ZNF84: variants seen among roughly 807,000 people sequenced by gnomAD.
ZNF84 encodes zinc finger protein 84, also known as zinc finger protein HPF2.
A neutral mutation model predicts 14.8 loss-of-function variants in ZNF84; 12 were observed. That is an observed-to-expected ratio of 0.81 (90% CI 0.52 to 1.31). ZNF84 has a LOEUF of 1.31. ZNF84 is among the 50% of genes most tolerant of loss of function. ZNF84 has a pLI of 0.00. For synonymous variants in ZNF84, 347 were observed against 291.1 expected, an observed-to-expected ratio of 1.19 and a Z score of -1.96; for missense variants, 859 against 878.6, an observed-to-expected ratio of 0.98 and a Z score of 0.28.
In ZNF84 at chr12:133,041,613, CA is replaced by C. The variant is rs757695528; in HGVS notation, c.15+135del. The stretch of plus-strand genomic sequence containing the variant: ...TAGCCTCAGATGATCAGGATTGGAA[CA>C]AAATTGGCACAGTGATATATTAACT... On this transcript the variant is annotated intron_variant, in intron 2 of 4. Transcript: ENST00000539354. 1.0e-3 allele frequency: 917 copies of C among 900,982 alleles called. 17 individuals carry two copies. The East Asian group carries it at 0.022, about 21-fold the overall frequency. 55.8% of individuals were successfully genotyped at this position (900,982 alleles called of 1,614,324 possible). A position where few individuals can be genotyped will look rare whatever the true frequency, so the allele number is the denominator to read the frequency against.
intron 1 of ZNF84, among the ~76,000 whole-genome samples, chr12:133,039,283 A>T (rs774737366): frequency 2.0e-5 from 3 of 152,204 alleles, no homozygotes; most frequent in Admixed American, 6.5e-5. Context: ...TGTTAGTGTG[A>T]TACAGTTGAG....
Position 133,058,342 on chromosome 12 carries a change from T to A in ZNF84, c.1627T>A (p.Tyr543Asn). 1 of 1,613,978 alleles carries A rather than the reference T, an allele frequency of 6.2e-7. No individual in the cohort carries two copies. The highest frequency in any genetic ancestry group is 8.5e-7 in the Non-Finnish European group (1 of 1,179,942). The change falls in exon 5 of 5, where the codon TAT becomes AAT. Residue 543 changes from tyrosine (Y) to asparagine (N), a missense_variant. Coordinates refer to ENST00000539354, the MANE Select transcript of ZNF84 (RefSeq NM_001289971.2). ...HQRTHTGEKPYECSECGKAFG... is the reference protein window; with the variant it reads ...HQRTHTGEKPNECSECGKAFG... The stretch of plus-strand genomic sequence containing the variant: ...GAGGACACATACAGGGGAGAAACCC[T>A]ATGAATGCAGTGAATGTGGGAAGGC...
chr12:133,041,395 T>G lies in ZNF84; in HGVS notation c.-73T>G. On this transcript the variant is annotated 5_prime_UTR_variant, in exon 2 of 5. Coordinates refer to ENST00000539354, the MANE Select transcript of ZNF84 (RefSeq NM_001289971.2). ...TAGCTGAGACCTCACTCCACAGTTT[T>G]GGGGCAGAAGCAGAAGAGACGCACA... 1 of 1,522,584 alleles carries G rather than the reference T, an allele frequency of 6.6e-7. No homozygotes were observed. The highest frequency in any genetic ancestry group is 1.7e-5 in the Admixed American group (1 of 59,622). 94.3% of individuals were successfully genotyped at this position (1,522,584 alleles called of 1,614,324 possible).
intron 2 of ZNF84, among the ~76,000 whole-genome samples, chr12:133,042,592 A>C (rs921820069): frequency 2.1e-4 from 32 of 152,286 alleles, no homozygotes; most frequent in Admixed American, 3.3e-4. Context: ...CATCCACCGG[A>C]GTCTTGGAAC....
At chr12:133,037,812 C>T (rs1343066432) in intron 1 of ZNF84, 6 of 46,574 alleles carry the variant, frequency 1.3e-4, no homozygotes, top group African/African-American at 2.5e-4. Flanking sequence ...AGGCGCCAGC[C>T]TCGGGCGCGT....
Position 133,048,830 on chromosome 12 carries a change from C to G in ZNF84, c.220C>G (p.Pro74Ala). Residue 74 changes from proline to alanine, a missense_variant, in exon 4 of 5, where the codon CCA (proline) becomes GCA (alanine). Physicochemically the swap from Pro to Ala is conservative, Grantham distance 27 (BLOSUM62 -1). Coordinates refer to ENST00000539354, the MANE Select transcript of ZNF84 (RefSeq NM_001289971.2). ...GCCGTGGGTAGGAGATGGAGAAATT[C>G]CAAGTTCAGATTCTCCAGGTGAGTG... is the stretch of plus-strand genomic sequence containing the variant. ...EEPWVGDGEI[P>A]SSDSPEVWKV... is the part of the protein sequence containing the mutation. 1 of 1,613,244 alleles carries G rather than the reference C, an allele frequency of 6.2e-7. No homozygotes were observed. The highest frequency in any genetic ancestry group is 8.5e-7 in the Non-Finnish European group (1 of 1,179,570).
chr12:133,046,747 G>A (rs971190836), intron 2 of ZNF84, among the ~76,000 whole-genome samples: 16 of 150,114 alleles, frequency 1.1e-4, no homozygotes, highest in African/African-American at 1.7e-4. Context: ...CTGACGCCTC[G>A]ACCTCCCAGG....
chr12:133,043,680 G>C (rs1388946158), intron 2 of ZNF84, among the ~76,000 whole-genome samples: 1 of 152,148 alleles, frequency 6.6e-6, no homozygotes, highest in East Asian at 1.9e-4. Flanking sequence ...TTATTTGAAA[G>C]AATTTTCTTG....
At chr12:133,048,909 G>C in intron 4 of ZNF84, 61 bp downstream of exon 4, 1 of 1,418,410 alleles carries the variant, frequency 7.1e-7, no homozygotes, top group Non-Finnish European at 9.8e-7. Context: ...TCTGGTCAGT[G>C]ACGGGTGGGC....
rs1165460679 is a variant in ZNF84 at position 133,059,275 on chromosome 12, G to C, written c.*343G>C. ...GATGAGGGAAAACCCCATGAATGCG[G>C]GAAATGAGGCAATATTTTTAAGAAA... On this transcript the variant is annotated 3_prime_UTR_variant, in exon 5 of 5. Coordinates refer to ENST00000539354, the MANE Select transcript of ZNF84 (RefSeq NM_001289971.2). 2.7e-6 allele frequency: 1 copy of C among 375,526 alleles called. No individual in the cohort carries two copies. The highest frequency in any genetic ancestry group is 2.1e-5 in the African/African-American group (1 of 48,164). The allele number at this position is 375,526 out of a possible 1,614,324, so 23.3% of individuals were successfully genotyped here.
In ZNF84 at chr12:133,059,537, C is replaced by T. The variant is rs2137430786; in HGVS notation, c.*605C>T. On this transcript the variant is annotated 3_prime_UTR_variant, in exon 5 of 5. Transcript: ENST00000539354. ...AAAATACCCAATTCTAAGTGGTTGA[C>T]AGATGTTCACTTTGAAGTGTGAAGT... The T allele has an allele frequency of 6.6e-6, 1 of 152,598 alleles. No homozygotes were observed. Among genetic ancestry groups the T allele is most frequent in the Admixed American group, 6.5e-5 (1 of 15,318 alleles). The allele number at this position is 152,598 out of a possible 1,614,324, so 9.5% of individuals were successfully genotyped here.
At position 133,058,282 on chromosome 12, in the gene ZNF84, G is replaced by C. The variant is rs1487952166; in HGVS notation, c.1567G>C (p.Ala523Pro). 2 of 1,614,146 alleles carry C rather than the reference G, an allele frequency of 1.2e-6. No homozygotes were observed. Among genetic ancestry groups the C allele is most frequent in the Non-Finnish European group, 1.7e-6 (2 of 1,180,022 alleles). Residue 523 changes from alanine (A) to proline (P), a missense_variant, in exon 5 of 5, where the codon GCC becomes CCC. Coordinates refer to ENST00000539354, the MANE Select transcript of ZNF84 (RefSeq NM_001289971.2). ...ATATGTATGCAGTGAATGTGGGAAA[G>C]CCTTTTGTCAGAAGTCACATCTCAT... Reference protein sequence around the residue: ...KPYVCSECGKAFCQKSHLISH... With the variant: ...KPYVCSECGKPFCQKSHLISH...
In ZNF84 at chr12:133,062,080, G is replaced by T. The variant is rs1954274170; in HGVS notation, c.*3148G>T. 6.6e-6 allele frequency: 1 copy of T among 152,200 alleles called. No individual in the cohort carries two copies. Among genetic ancestry groups the T allele is most frequent in the Admixed American group, 6.5e-5 (1 of 15,276 alleles). The allele number at this position is 152,200 out of a possible 1,614,324, so 9.4% of individuals were successfully genotyped here. A position where few individuals can be genotyped will look rare whatever the true frequency, so the allele number is the denominator to read the frequency against. On this transcript the variant is annotated 3_prime_UTR_variant, in exon 5 of 5. Transcript: ENST00000539354. ...GGTACATTGAGATAGCATACTAAAG[G>T]AGGCCAAATACAGGAAGCATCATCT...
chr12:133,055,035 C>T (rs1213178207), intron 4 of ZNF84, among the ~76,000 whole-genome samples: 2 of 152,110 alleles, frequency 1.3e-5, no homozygotes, highest in African/African-American at 4.8e-5. Context: ...GGCAGTTTTA[C>T]TAATTATTTT....
At chr12:133,042,322 C>T (rs1275674901) in intron 2 of ZNF84, among the ~76,000 whole-genome samples, 3 of 152,256 alleles carry the variant, frequency 2.0e-5, no homozygotes, top group Admixed American at 1.3e-4. Flanking sequence ...CTAAGATCTA[C>T]AGTAAGAACA....
intron 1 of ZNF84, chr12:133,040,842 A>G (rs1340822289): frequency 1.3e-5 from 2 of 152,184 alleles, no homozygotes; most frequent in African/African-American, 4.8e-5. Context: ...ATGGCAGACA[A>G]AAGTTAAGGA....
rs1489527271 is a variant in ZNF84, at chr12:133,058,905, G to C, written c.2190G>C (p.Gln730His). 3.1e-6 allele frequency: 5 copies of C among 1,610,210 alleles called. No homozygotes were observed. The highest frequency in any genetic ancestry group is 2.2e-5 in the South Asian group (2 of 90,864). ...FSQKSQLINHQRTHTVKKS is the reference protein window; with the variant it reads ...FSQKSQLINHHRTHTVKKS Reference sequence around the variant, plus strand: ...AGAAGTCACAGCTCATCAATCATCAGAGAACTCATACAGTAAAAAAATCCT... The same window carrying C: ...AGAAGTCACAGCTCATCAATCATCACAGAACTCATACAGTAAAAAAATCCT... Residue 730 changes from glutamine (Q) to histidine (H), a missense_variant, in exon 5 of 5, where the codon CAG becomes CAC. Gln to His is a conservative substitution (Grantham distance 24). Coordinates refer to ENST00000539354, the MANE Select transcript of ZNF84 (RefSeq NM_001289971.2).
At chr12:133,040,739 C>T (rs1953872435) in intron 1 of ZNF84, 2 of 152,028 alleles carry the variant, frequency 1.3e-5, no homozygotes, top group African/African-American at 4.8e-5. Context: ...AGCATATAAT[C>T]CAAACATCAG....
At chr12:133,047,915 T>C in intron 2 of ZNF84, 40 bp from the exon 3 acceptor site, 1 of 1,611,196 alleles carries the variant, frequency 6.2e-7, no homozygotes, top group Non-Finnish European at 8.5e-7. Context: ...CATCATACGG[T>C]GTTAACTGCT....
Sources: gnomAD v4.1 joint callset for allele counts (sites outside exome capture counted in the v4.1 genomes callset) on GRCh38, gnomAD v4.1.1 for gene constraint, MANE v1.5 for transcripts, NCBI Gene and HGNC (gene_info 2026-07-23, HGNC 2026-07-21) for gene names.